MYRIP: variants seen among roughly 807,000 people sequenced by gnomAD.
MYRIP encodes myosin VIIA and Rab interacting protein, also known as rab effector MyRIP.
Under a neutral mutation model 98.0 loss-of-function variants are expected in MYRIP, and 49 were observed. That is an observed-to-expected ratio of 0.50 (90% confidence interval 0.40 to 0.63). The LOEUF (loss-of-function observed/expected upper bound fraction) is 0.63. MYRIP is among the 30% of genes least tolerant of loss of function. MYRIP has a pLI of 0.00. For synonymous variants in MYRIP, 404 were observed against 409.5 expected (o/e 0.99, Z 0.16); for missense variants, 1,004 against 1,058.2 (o/e 0.95, Z 0.71).
chr3:40,050,264 G>A (rs552035629), intron 3 of MYRIP, among the ~76,000 whole-genome samples: 52 of 152,104 alleles, frequency 3.4e-4, no homozygotes, highest in Non-Finnish European at 6.5e-4. Context: ...GTCTTGTTAG[G>A]GGCTGATGTA....
chr3:39,891,376 C>G (rs993568870), intron 1 of MYRIP, among the ~76,000 whole-genome samples: 1 of 151,984 alleles, frequency 6.6e-6, no homozygotes, highest in African/African-American at 2.4e-5. Context: ...AGCATCCCCT[C>G]TGTATTGGTG....
intron 2 of MYRIP, among the ~76,000 whole-genome samples, chr3:39,996,820 A>T (rs1300052040): frequency 1.3e-5 from 2 of 152,064 alleles, no homozygotes; most frequent in African/African-American, 4.8e-5. Context: ...GAACAGAAAT[A>T]ATAACAAACT....
At chr3:40,154,055 G>T (rs139079498) in intron 4 of MYRIP, among the ~76,000 whole-genome samples, 35 of 151,798 alleles carry the variant, frequency 2.3e-4, no homozygotes, top group African/African-American at 6.3e-4. Flanking sequence ...CAGAGGAATC[G>T]CTTGAACCTG....
chr3:39,912,818 T>C (rs530892905), intron 2 of MYRIP, among the ~76,000 whole-genome samples: 4 of 152,336 alleles, frequency 2.6e-5, no homozygotes, highest in African/African-American at 9.6e-5. Flanking sequence ...GGCAGGCAGA[T>C]CACCTGAGGT....
intron 1 of MYRIP, among the ~76,000 whole-genome samples, chr3:39,892,509 A>AT (rs1300040813): frequency 6.6e-6 from 1 of 152,068 alleles, no homozygotes; most frequent in East Asian, 1.9e-4. Context: ...AGAAATTTAG[A>AT]TTTTCTATTA....
At chr3:39,883,201 C>T (rs910649937) in intron 1 of MYRIP, among the ~76,000 whole-genome samples, 1 of 152,154 alleles carries the variant, frequency 6.6e-6, no homozygotes, top group African/African-American at 2.4e-5. Context: ...GACAAACCCT[C>T]ACTTTGGGTT....
intron 2 of MYRIP, among the ~76,000 whole-genome samples, chr3:39,945,959 G>T (rs923435057): frequency 6.6e-6 from 1 of 151,884 alleles, no homozygotes; most frequent in African/African-American, 2.4e-5. Context: ...TATTCTCTAT[G>T]GTGATTGAGA....
intron 1 of MYRIP, among the ~76,000 whole-genome samples, chr3:39,889,946 C>T (rs1001727721): frequency 3.9e-5 from 6 of 152,078 alleles, no homozygotes; most frequent in South Asian, 4.1e-4. Flanking sequence ...AAAACTGAAT[C>T]AATAACTTAA....
At chr3:39,992,116 T>C (rs913435998) in intron 2 of MYRIP, among the ~76,000 whole-genome samples, 7 of 152,280 alleles carry the variant, frequency 4.6e-5, no homozygotes, top group Middle Eastern at 3.4e-3. Context: ...CCACCAAGTA[T>C]TGACATCACA....
intron 2 of MYRIP, among the ~76,000 whole-genome samples, chr3:39,955,698 G>T (rs1280913306): frequency 6.6e-6 from 1 of 152,116 alleles, no homozygotes; most frequent in African/African-American, 2.4e-5. Context: ...AAATGTAAAT[G>T]GGCTAAATGC....
At chr3:39,853,646 C>G (rs1942204744) in intron 1 of MYRIP, among the ~76,000 whole-genome samples, 1 of 151,954 alleles carries the variant, frequency 6.6e-6, no homozygotes, top group South Asian at 2.1e-4. Flanking sequence ...CTTGTGGATC[C>G]TGGATATTAG....
intron 1 of MYRIP, among the ~76,000 whole-genome samples, chr3:39,875,962 T>A (rs186629783): frequency 0.021 from 3,241 of 152,032 alleles, 99 homozygotes; most frequent in African/African-American, 0.072. Context: ...CCCATTATTA[T>A]TGTGTGGGAG....
At chr3:39,870,856 A>C (rs1490813228) in intron 1 of MYRIP, among the ~76,000 whole-genome samples, 17 of 152,204 alleles carry the variant, frequency 1.1e-4, no homozygotes. Context: ...CTCAGCAGTT[A>C]CTTACACCAA....
At chr3:40,218,624 A>ATATATATATTT (rs1952218821) in intron 11 of MYRIP, among the ~76,000 whole-genome samples, 3 of 12,270 alleles carry the variant, frequency 2.4e-4, no homozygotes, top group African/African-American at 4.0e-4. Flanking sequence ...ATATATATAT[A>ATATATATATTT]TATATATATA....
intron 1 of MYRIP, among the ~76,000 whole-genome samples, chr3:39,876,669 C>T (rs1468462191): frequency 1.3e-5 from 2 of 151,898 alleles, no homozygotes; most frequent in East Asian, 3.9e-4. Context: ...GAATATTGGC[C>T]CCCACTCTCT....
At chr3:40,186,987 C>G (rs1951053456) in intron 9 of MYRIP, among the ~76,000 whole-genome samples, 1 of 152,176 alleles carries the variant, frequency 6.6e-6, no homozygotes. Context: ...AGCCACTCTT[C>G]TGAATAGCTC....
chr3:39,832,563 C>T (rs773643621), intron 1 of MYRIP, among the ~76,000 whole-genome samples: 41 of 152,084 alleles, frequency 2.7e-4, no homozygotes, highest in Middle Eastern at 3.2e-3. Context: ...GTTCGGAGCA[C>T]GTAACACTCA....
At chr3:40,106,517 GA>G in intron 3 of MYRIP, among the ~76,000 whole-genome samples, 1 of 152,124 alleles carries the variant, frequency 6.6e-6, no homozygotes, top group East Asian at 1.9e-4. Flanking sequence ...TTATTTGGGG[GA>G]AAAAGTGCCC....
rs369594921 is a variant in MYRIP, at chr3:40,202,906, C to CTTACTTATTTATTTAT, written c.1666-6945_1666-6944insCTTATTTATTTATTTA. ...ATCCCCATCACCTCACCTCCATTTA[C>CTTACTTATTTATTTAT]TTATTTATTTATTTATTTATTTATT... On this transcript the variant is annotated intron_variant, in intron 10 of 16. Transcript: ENST00000302541. Among the ~76,000 whole-genome samples the CTTACTTATTTATTTAT allele has an allele frequency of 3.6e-3, 509 of 142,502 alleles. 1 individual carries two copies. The highest frequency in any genetic ancestry group is 0.011 in the Middle Eastern group (3 of 280). 93.5% of individuals were successfully genotyped at this position (142,502 alleles called of 152,430 possible).
Sources: gnomAD v4.1 joint callset for allele counts (sites outside exome capture counted in the v4.1 genomes callset) on GRCh38, gnomAD v4.1.1 for gene constraint, MANE v1.5 for transcripts, NCBI Gene and HGNC (gene_info 2026-07-23, HGNC 2026-07-21) for gene names.